RASGEF1C: variants seen among roughly 807,000 people sequenced by gnomAD.
The protein encoded by RASGEF1C is ras-GEF domain-containing family member 1C.
A neutral mutation model predicts 58.1 loss-of-function variants in RASGEF1C; 27 were observed. The ratio of observed to expected loss-of-function variants is 0.46; its 90% CI spans 0.34 to 0.64. The LOEUF (loss-of-function observed/expected upper bound fraction) is 0.64, where lower values mean the gene tolerates loss of function less well. RASGEF1C is among the 30% of genes least tolerant of loss of function. The pLI, the probability that RASGEF1C is intolerant of heterozygous loss-of-function variation, is 0.01. For synonymous variants in RASGEF1C, 243 were observed against 246.3 expected (o/e 0.99, Z 0.13); for missense variants, 502 against 605.1 (o/e 0.83, Z 1.79).
At chr5:180,195,395 AC>A (rs1225652406) in intron 1 of RASGEF1C, among the ~76,000 whole-genome samples, 1 of 152,184 alleles carries the variant, frequency 6.6e-6, no homozygotes, top group Admixed American at 6.5e-5. Flanking sequence ...ACTCCTTACA[AC>A]ATGACTGTGA....
chr5:180,130,929 G>A (rs1766355670), intron 4 of RASGEF1C, among the ~76,000 whole-genome samples: 1 of 152,106 alleles, frequency 6.6e-6, no homozygotes, highest in South Asian at 2.1e-4. Context: ...CCCAGTGTTG[G>A]TGGATAGCGC....
At chr5:180,181,251 C>G (rs1412665213) in intron 1 of RASGEF1C, among the ~76,000 whole-genome samples, 1 of 152,088 alleles carries the variant, frequency 6.6e-6, no homozygotes, top group Non-Finnish European at 1.5e-5. Flanking sequence ...TTAAAAAATG[C>G]CTTTAAAACA....
intron 6 of RASGEF1C, among the ~76,000 whole-genome samples, chr5:180,125,149 A>C (rs1176757072): frequency 6.6e-6 from 1 of 152,174 alleles, no homozygotes; most frequent in Non-Finnish European, 1.5e-5. Context: ...ACCAACAACA[A>C]CAACAACAAA....
intron 1 of RASGEF1C, among the ~76,000 whole-genome samples, chr5:180,199,306 G>A (rs1415985726): frequency 6.6e-6 from 1 of 152,206 alleles, no homozygotes; most frequent in African/African-American, 2.4e-5. Context: ...AAAAGCATGT[G>A]GAAGTCCCGC....
intron 1 of RASGEF1C, among the ~76,000 whole-genome samples, chr5:180,173,843 G>A (rs557189069): frequency 6.6e-6 from 1 of 152,024 alleles, no homozygotes; most frequent in South Asian, 2.1e-4. Flanking sequence ...AGCCCGGGAG[G>A]CGGAGTTTGC....
chr5:180,107,550 A>C (rs1027857441), intron 12 of RASGEF1C, among the ~76,000 whole-genome samples: 1 of 152,060 alleles, frequency 6.6e-6, no homozygotes, highest in Admixed American at 6.6e-5. Context: ...TTTTCCCCCT[A>C]TGGGTAAAGT....
intron 1 of RASGEF1C, among the ~76,000 whole-genome samples, chr5:180,163,706 A>T (rs973945708): frequency 2.6e-5 from 4 of 152,160 alleles, no homozygotes; most frequent in African/African-American, 9.6e-5. Flanking sequence ...ATATTTTGCT[A>T]AAGATTTTTG....
At chr5:180,202,859 C>A (rs1044443486) in intron 1 of RASGEF1C, among the ~76,000 whole-genome samples, 1 of 152,090 alleles carries the variant, frequency 6.6e-6, no homozygotes, top group South Asian at 2.1e-4. Context: ...CCCGCCACCA[C>A]GCCGGGCTAA....
At chr5:180,162,989 G>T (rs1038321941) in intron 1 of RASGEF1C, among the ~76,000 whole-genome samples, 4 of 152,102 alleles carry the variant, frequency 2.6e-5, no homozygotes, top group African/African-American at 9.7e-5. Flanking sequence ...GGGGCTGGGA[G>T]TAGCTATAGC....
chr5:180,151,563 T>C (rs1389276089), intron 1 of RASGEF1C, among the ~76,000 whole-genome samples: 1 of 152,008 alleles, frequency 6.6e-6, no homozygotes, highest in African/African-American at 2.4e-5. Context: ...ATACAAAAAT[T>C]AATTCAAGAT....
At chr5:180,129,436 C>T (rs1766323908) in intron 4 of RASGEF1C, among the ~76,000 whole-genome samples, 1 of 152,148 alleles carries the variant, frequency 6.6e-6, no homozygotes, top group Non-Finnish European at 1.5e-5. Context: ...TGCCAGACGA[C>T]TCCCAACCCC....
At chr5:180,102,239 C>A in intron 12 of RASGEF1C, 96 bp from the exon 13 acceptor site, 1 of 727,440 alleles carries the variant, frequency 1.4e-6, no homozygotes, top group South Asian at 1.6e-5. Flanking sequence ...TCTGGGTTCT[C>A]TATTCTGTCC....
At chr5:180,123,830 CAA>C (rs1225648733) in intron 6 of RASGEF1C, among the ~76,000 whole-genome samples, 1 of 151,734 alleles carries the variant, frequency 6.6e-6, no homozygotes, top group Admixed American at 6.6e-5. Flanking sequence ...GATAAAGAAA[CAA>C]AGAGAGGTGT....
At chr5:180,161,753 C>G (rs111756946) in intron 1 of RASGEF1C, among the ~76,000 whole-genome samples, 3 of 152,356 alleles carry the variant, frequency 2.0e-5, no homozygotes, top group Non-Finnish European at 2.9e-5. Context: ...GTGGCTGACG[C>G]CCCCGCCCCC....
chr5:180,145,284 C>T (rs918661754), intron 1 of RASGEF1C, among the ~76,000 whole-genome samples: 1 of 152,146 alleles, frequency 6.6e-6, no homozygotes, highest in African/African-American at 2.4e-5. Context: ...CCACCGTGTC[C>T]GGCTAATTTT....
chr5:180,127,752 G>C, intron 5 of RASGEF1C, 69 bp from the exon 6 acceptor site: 1 of 1,429,122 alleles, frequency 7.0e-7, no homozygotes. Flanking sequence ...TGGGGGGCCT[G>C]CCGTGGTGCC....
chr5:180,132,882 T>C (rs1342683099), intron 4 of RASGEF1C, among the ~76,000 whole-genome samples: 4 of 151,218 alleles, frequency 2.6e-5, no homozygotes, highest in Non-Finnish European at 5.9e-5. Context: ...GGTAGGAGAA[T>C]TGCTTGAACC....
chr5:180,178,838 C>G (rs1767274135), intron 1 of RASGEF1C, among the ~76,000 whole-genome samples: 2 of 152,010 alleles, frequency 1.3e-5, no homozygotes, highest in Non-Finnish European at 2.9e-5. Flanking sequence ...TAATGCACCC[C>G]CGGCTGATAT....
intron 1 of RASGEF1C, among the ~76,000 whole-genome samples, chr5:180,140,411 G>A (rs1313371542): frequency 6.6e-6 from 1 of 152,194 alleles, no homozygotes; most frequent in East Asian, 1.9e-4. Context: ...TCCATTCCAG[G>A]CAATGGGGAC....
Sources: gnomAD v4.1 joint callset for allele counts (sites outside exome capture counted in the v4.1 genomes callset) on GRCh38, gnomAD v4.1.1 for gene constraint, MANE v1.5 for transcripts, NCBI Gene and HGNC (gene_info 2026-07-23, HGNC 2026-07-21) for gene names.